VWA3B: variants seen among roughly 807,000 people sequenced by gnomAD.
The protein encoded by VWA3B is von Willebrand factor A domain-containing protein 3B.
Under a neutral mutation model 158.3 loss-of-function variants are expected in VWA3B, and 138 were observed. That is an observed-to-expected ratio of 0.87 (90% CI 0.76 to 1.00). The LOEUF (loss-of-function observed/expected upper bound fraction) is 1.00, where lower values mean the gene tolerates loss of function less well. VWA3B is among the 50% of genes least tolerant of loss of function. VWA3B has a pLI of 0.00. For missense variants in VWA3B, 1,555 were observed against 1,565.1 expected, an observed-to-expected ratio of 0.99 and a Z score of 0.11; for synonymous variants, 596 against 587.3, an observed-to-expected ratio of 1.01 and a Z score of -0.21.
intron 21 of VWA3B, among the ~76,000 whole-genome samples, chr2:98,257,856 A>G (rs1687251391): frequency 6.6e-6 from 1 of 151,886 alleles, no homozygotes; most frequent in African/African-American, 2.4e-5. Flanking sequence ...AAAGTTTTTA[A>G]GTTTTAGGAA....
At chr2:98,253,807 G>T (rs572664795) in intron 20 of VWA3B, among the ~76,000 whole-genome samples, 1 of 152,212 alleles carries the variant, frequency 6.6e-6, no homozygotes. Flanking sequence ...AAAAAACAAT[G>T]AGGGAAACTT....
At chr2:98,289,681 T>G (rs1689374267) in intron 22 of VWA3B, among the ~76,000 whole-genome samples, 1 of 152,200 alleles carries the variant, frequency 6.6e-6, no homozygotes, top group Non-Finnish European at 1.5e-5. Flanking sequence ...GTTTCAGTGC[T>G]TGTCTCTCTC....
At chr2:98,124,263 T>G (rs1675187820) in intron 5 of VWA3B, among the ~76,000 whole-genome samples, 1 of 152,198 alleles carries the variant, frequency 6.6e-6, no homozygotes, top group Admixed American at 6.5e-5. Context: ...TTTCATATTC[T>G]TGTGTTTGAG....
chr2:98,177,077 C>A (rs993615068), intron 8 of VWA3B, among the ~76,000 whole-genome samples: 1 of 152,098 alleles, frequency 6.6e-6, no homozygotes, highest in East Asian at 1.9e-4. Context: ...TGGAGCTGAA[C>A]CTGGAGGGTG....
chr2:98,161,853 C>T lies in VWA3B; in HGVS notation c.989-998C>T, dbSNP rs538185149. 1.1e-3 allele frequency among the ~76,000 whole-genome samples: 162 copies of T among 152,120 alleles called. 1 individual carries two copies. The highest frequency in any genetic ancestry group is 1.7e-3 in the Non-Finnish European group (119 of 68,010). The stretch of plus-strand genomic sequence containing the variant: ...TCCTGAGTAGCTGGGATTACAGGCA[C>T]GGGCCACCACGCTCAGCTAATTTTT... On this transcript the variant is annotated intron_variant, in intron 7 of 27. Transcript: ENST00000477737.
At chr2:98,178,159 G>T (rs2105331779) in intron 8 of VWA3B, among the ~76,000 whole-genome samples, 1 of 152,174 alleles carries the variant, frequency 6.6e-6, no homozygotes, top group East Asian at 1.9e-4. Context: ...GAGTGTGCAG[G>T]CGAACCCCAG....
intron 22 of VWA3B, among the ~76,000 whole-genome samples, chr2:98,284,443 A>G (rs1689051949): frequency 6.6e-6 from 1 of 152,220 alleles, no homozygotes; most frequent in Non-Finnish European, 1.5e-5. Flanking sequence ...ATTGAACATG[A>G]ATAATAACCC....
chr2:98,284,168 G>A (rs1689036482), intron 22 of VWA3B, among the ~76,000 whole-genome samples: 1 of 152,188 alleles, frequency 6.6e-6, no homozygotes, highest in African/African-American at 2.4e-5. Context: ...TTTTGTCCGT[G>A]GCTGCAGAGG....
intron 7 of VWA3B, among the ~76,000 whole-genome samples, chr2:98,146,310 A>T (rs1295871470): frequency 6.6e-6 from 1 of 152,122 alleles, no homozygotes; most frequent in Non-Finnish European, 1.5e-5. Context: ...CCATTTATTG[A>T]TCACCATGGA....
chr2:98,158,176 AAAT>A (rs1418372819), intron 7 of VWA3B, among the ~76,000 whole-genome samples: 3 of 152,154 alleles, frequency 2.0e-5, no homozygotes, highest in Non-Finnish European at 4.4e-5. Flanking sequence ...TAATAAGGAA[AAAT>A]AAAAAAGGAG....
intron 12 of VWA3B, chr2:98,207,666 C>A: frequency 2.3e-6 from 1 of 440,636 alleles, no homozygotes; most frequent in South Asian, 1.8e-5. Context: ...AACGGGCCTT[C>A]AGTGATGGAA....
At chr2:98,171,366 T>C (rs1389410411) in intron 8 of VWA3B, among the ~76,000 whole-genome samples, 1 of 152,108 alleles carries the variant, frequency 6.6e-6, no homozygotes, top group African/African-American at 2.4e-5. Flanking sequence ...GGAAATAACT[T>C]TGGAGCGTGT....
At chr2:98,116,609 C>G (rs6714507) in intron 3 of VWA3B, among the ~76,000 whole-genome samples, 41 of 152,110 alleles carry the variant, frequency 2.7e-4, no homozygotes, top group Non-Finnish European at 5.1e-4. Context: ...CGGGTCCGAG[C>G]GATCCTCCCA....
intron 2 of VWA3B, among the ~76,000 whole-genome samples, chr2:98,110,513 G>A (rs942834794): frequency 6.6e-6 from 1 of 152,064 alleles, no homozygotes; most frequent in Non-Finnish European, 1.5e-5. Context: ...GATATTGTCA[G>A]TTGTCTTTTT....
intron 16 of VWA3B, among the ~76,000 whole-genome samples, chr2:98,232,348 A>G (rs180955444): frequency 6.6e-6 from 1 of 152,162 alleles, no homozygotes; most frequent in African/African-American, 2.4e-5. Flanking sequence ...TAGTGCTTTG[A>G]TCTGTCTTCT....
rs373240618 is a variant in VWA3B, at chr2:98,216,985, C to CCCCA, written c.1837-861_1837-860insCCCA. 1.2e-4 allele frequency: 152 copies of CCCCA among 1,245,396 alleles called. 4 individuals carry two copies. Among genetic ancestry groups the CCCCA allele is most frequent in the South Asian group, 9.4e-4 (71 of 75,486 alleles). The allele number at this position is 1,245,396 out of a possible 1,614,324, so 77.1% of individuals were successfully genotyped here. A position where few individuals can be genotyped will look rare whatever the true frequency, so the allele number is the denominator to read the frequency against. The stretch of plus-strand genomic sequence containing the variant: ...TGTCATGTGTATCATTGTAAGCACC[C>CCCCA]GCCCCGCACCCAGTCTCAGGTGGTC... On this transcript the variant is annotated intron_variant, in intron 13 of 27. Transcript: ENST00000477737.
At chr2:98,199,727 G>A (rs1574060214) in intron 12 of VWA3B, among the ~76,000 whole-genome samples, 1 of 152,122 alleles carries the variant, frequency 6.6e-6, no homozygotes, top group Non-Finnish European at 1.5e-5. Flanking sequence ...GTTTTCCAAG[G>A]CTGTTCCCTA....
rs754447519 is a variant in VWA3B at position 98,312,024 on chromosome 2, G to T, written c.3727G>T (p.Glu1243Ter). The T allele has an allele frequency of 6.3e-7, 1 of 1,597,544 alleles. No homozygotes were observed. Reference sequence around the variant, plus strand: ...TGGGTCCTGCCAGGGGACACACCCCGAGCCCAGGGTTTGGGTGATGGGGGG... The same window carrying T: ...TGGGTCCTGCCAGGGGACACACCCCTAGCCCAGGGTTTGGGTGATGGGGGG... ...SHGSCQGTHP[E>*]PRTAHLHFPA... Residue 1243 changes from glutamate (E) to a stop codon, truncating the protein, a stop_gained, in exon 27 of 28, where the codon GAG (glutamate) becomes TAG (stop). Coordinates refer to ENST00000477737, the MANE Select transcript of VWA3B (RefSeq NM_144992.5). LOFTEE classifies it low-confidence loss of function (END_TRUNC).
intron 1 of VWA3B, among the ~76,000 whole-genome samples, chr2:98,089,309 G>C (rs780055288): frequency 6.6e-6 from 1 of 152,148 alleles, no homozygotes; most frequent in Admixed American, 6.5e-5. Flanking sequence ...GTGAGGACAA[G>C]CCTGAAGTGC....
Sources: allele counts gnomAD v4.1 joint callset (sites outside exome capture counted in the v4.1 genomes callset), GRCh38; gene constraint gnomAD v4.1.1; transcripts MANE v1.5; gene names NCBI Gene and HGNC (gene_info 2026-07-23, HGNC 2026-07-21).